The following ZBTB20 variants were observed in gnomAD, a reference collection of about 807,000 sequenced individuals.
ZBTB20 encodes zinc finger and BTB domain-containing protein 20.
A neutral mutation model predicts 56.9 loss-of-function variants in ZBTB20; 9 were observed. The ratio of observed to expected loss-of-function variants is 0.16; its 90% CI spans 0.10 to 0.28. The LOEUF is 0.28. Among genes scored for constraint, ZBTB20 ranks in the 10% least tolerant of loss-of-function variants. ZBTB20 has a pLI of 1.00. For synonymous variants in ZBTB20, 417 were observed against 420.7 expected (o/e 0.99, Z 0.11); for missense variants, 655 against 1,003.0 (o/e 0.65, Z 4.69).
chr3:114,737,094 G>A (rs1240515852), intron 5 of ZBTB20, among the ~76,000 whole-genome samples: 1 of 152,120 alleles, frequency 6.6e-6, no homozygotes, highest in East Asian at 1.9e-4. Context: ...TATATTTTAA[G>A]AGCCAAAGTT....
chr3:114,407,896 A>C (rs141823908), intron 7 of ZBTB20, among the ~76,000 whole-genome samples: 2 of 146,178 alleles, frequency 1.4e-5, no homozygotes, highest in East Asian at 2.0e-4. Context: ...GGGGAAACCA[A>C]ATGTAACCTA....
chr3:114,685,744 AG>A (rs1218477608), intron 6 of ZBTB20, among the ~76,000 whole-genome samples: 1 of 152,174 alleles, frequency 6.6e-6, no homozygotes, highest in African/African-American at 2.4e-5. Flanking sequence ...TTGGATTATT[AG>A]GTTAAGCTCT....
intron 5 of ZBTB20, among the ~76,000 whole-genome samples, chr3:114,794,947 TAC>T (rs1341727443): frequency 1.3e-5 from 2 of 151,986 alleles, no homozygotes; most frequent in African/African-American, 4.8e-5. Context: ...AGATAAAAAA[TAC>T]ATTCTAGGAA....
chr3:114,491,252 GT>G (rs1224409623), intron 7 of ZBTB20, among the ~76,000 whole-genome samples: 1 of 152,066 alleles, frequency 6.6e-6, no homozygotes. Context: ...TTGCACCTTG[GT>G]CCCCAAACTG....
intron 1 of ZBTB20, among the ~76,000 whole-genome samples, chr3:115,126,543 A>C (rs2084338434): frequency 6.6e-6 from 1 of 152,202 alleles, no homozygotes; most frequent in Non-Finnish European, 1.5e-5. Flanking sequence ...GTAAGTTACA[A>C]TTACACACAA....
At chr3:114,854,386 T>A (rs1487495934) in intron 4 of ZBTB20, among the ~76,000 whole-genome samples, 1 of 152,196 alleles carries the variant, frequency 6.6e-6, no homozygotes, top group Non-Finnish European at 1.5e-5. Context: ...TCCTAGTTGT[T>A]TAGCCAAGGT....
At chr3:114,676,650 T>C (rs2061642851) in intron 6 of ZBTB20, among the ~76,000 whole-genome samples, 1 of 152,166 alleles carries the variant, frequency 6.6e-6, no homozygotes, top group Non-Finnish European at 1.5e-5. Flanking sequence ...AATACTTACA[T>C]TTACCCATAA....
chr3:115,062,695 C>A (rs2082054357), intron 2 of ZBTB20, among the ~76,000 whole-genome samples: 1 of 151,616 alleles, frequency 6.6e-6, no homozygotes, highest in Non-Finnish European at 1.5e-5. Flanking sequence ...AAAAGACAAT[C>A]TAAATTCTGA....
chr3:115,124,504 G>C (rs192673260), intron 1 of ZBTB20, among the ~76,000 whole-genome samples: 5 of 152,262 alleles, frequency 3.3e-5, no homozygotes, highest in African/African-American at 9.6e-5. Flanking sequence ...TTAAAATTTA[G>C]CTTGGGGAGG....
chr3:114,876,244 T>C (rs528482833), intron 4 of ZBTB20: 1 of 151,814 alleles, frequency 6.6e-6, no homozygotes, highest in East Asian at 1.9e-4. Context: ...TTGAGCAGTA[T>C]ACACTGCACA....
At chr3:115,011,693 G>C (rs893245779) in intron 2 of ZBTB20, among the ~76,000 whole-genome samples, 1 of 151,658 alleles carries the variant, frequency 6.6e-6, no homozygotes, top group Non-Finnish European at 1.5e-5. Context: ...GGATGTTAAT[G>C]AGCAATAAAA....
At chr3:115,029,149 A>T (rs908952535) in intron 2 of ZBTB20, among the ~76,000 whole-genome samples, 2 of 150,942 alleles carry the variant, frequency 1.3e-5, no homozygotes, top group Non-Finnish European at 3.0e-5. Context: ...ATGATAAAAA[A>T]TAAAAACTAC....
intron 6 of ZBTB20, among the ~76,000 whole-genome samples, chr3:114,640,525 T>C (rs994694507): frequency 2.6e-5 from 4 of 152,100 alleles, no homozygotes; most frequent in African/African-American, 9.7e-5. Context: ...AGACTCAGAA[T>C]TATGGATAAC....
At chr3:114,734,696 G>T (rs1454868123) in intron 5 of ZBTB20, among the ~76,000 whole-genome samples, 1 of 152,040 alleles carries the variant, frequency 6.6e-6, no homozygotes, top group East Asian at 1.9e-4. Flanking sequence ...ATTAATAAAA[G>T]CAAGAAATAA....
chr3:115,005,700 C>T (rs2079436842), intron 2 of ZBTB20, among the ~76,000 whole-genome samples: 1 of 151,912 alleles, frequency 6.6e-6, no homozygotes, highest in Middle Eastern at 3.4e-3. Context: ...CTTCTCTCTA[C>T]CTCTACTGCT....
intron 5 of ZBTB20, among the ~76,000 whole-genome samples, chr3:114,726,421 T>C: frequency 6.6e-6 from 1 of 152,236 alleles, no homozygotes; most frequent in Non-Finnish European, 1.5e-5. Flanking sequence ...TGGAATTCAA[T>C]ATCTCTTTAG....
At chr3:114,697,504 G>GA (rs1353040823) in intron 5 of ZBTB20, among the ~76,000 whole-genome samples, 5 of 150,560 alleles carry the variant, frequency 3.3e-5, no homozygotes, top group East Asian at 1.9e-4. Context: ...TGAGAAAAGG[G>GA]AAAAAAAACT....
At chr3:114,631,309 A>T (rs2058925048) in intron 6 of ZBTB20, among the ~76,000 whole-genome samples, 1 of 150,044 alleles carries the variant, frequency 6.7e-6, no homozygotes, top group Non-Finnish European at 1.5e-5. Context: ...CTTTTTAATT[A>T]ACTCTAGAAC....
chr3:114,735,806 T>C (rs1337574370), intron 5 of ZBTB20, among the ~76,000 whole-genome samples: 3 of 152,136 alleles, frequency 2.0e-5, no homozygotes, highest in Non-Finnish European at 4.4e-5. Context: ...ATTTTTTTCT[T>C]AATATTAACC....
Sources: allele counts gnomAD v4.1 joint callset (sites outside exome capture counted in the v4.1 genomes callset), GRCh38; gene constraint gnomAD v4.1.1; transcripts MANE v1.5; gene names NCBI Gene and HGNC (gene_info 2026-07-23, HGNC 2026-07-21).